ADAMTS17: variants seen among roughly 807,000 people sequenced by gnomAD.
ADAMTS17 encodes A disintegrin and metalloproteinase with thrombospondin motifs 17.
In ADAMTS17, 113 loss-of-function variants were observed where a neutral mutation model predicts 141.5. That is an observed-to-expected ratio of 0.80 (90% CI 0.69 to 0.93). ADAMTS17 has a LOEUF of 0.93. ADAMTS17 is among the 40% of genes least tolerant of loss of function. The probability of loss-of-function intolerance (pLI) is 0.00; values close to 1 mark genes in which losing one functional copy is unlikely to be tolerated. For synonymous variants in ADAMTS17, 768 were observed against 630.6 expected (o/e 1.22, Z -3.27); for missense variants, 1,659 against 1,517.9 (o/e 1.09, Z -1.54).
rs891695125 is a variant in ADAMTS17, at chr15:100,158,475, G to A, written c.1182-3155C>T. Among the ~76,000 whole-genome samples the A allele has an allele frequency of 2.0e-5, 3 of 152,072 alleles. No homozygotes were observed. The East Asian group carries it at 5.8e-4, about 29-fold the overall frequency. On this transcript the variant is annotated intron_variant, in intron 8 of 21. Transcript: ENST00000268070. ...GGTAAAAACACTTCACATGAGAGCT[G>A]CCCTCTGAAGTTTTTAAGCTTACAA... is the stretch of plus-strand genomic sequence containing the variant.
intron 13 of ADAMTS17, among the ~76,000 whole-genome samples, chr15:100,115,395 C>G (rs955347646): frequency 6.6e-6 from 1 of 152,228 alleles, no homozygotes; most frequent in African/African-American, 2.4e-5. Flanking sequence ...TTGAATTCTG[C>G]TGGCGAGCTG....
chr15:100,008,776 C>G (rs1317407017), intron 18 of ADAMTS17, among the ~76,000 whole-genome samples: 3 of 152,226 alleles, frequency 2.0e-5, no homozygotes, highest in Non-Finnish European at 4.4e-5. Context: ...ACACCTACCC[C>G]TGGTGGGTCA....
At chr15:100,227,844 A>C (rs1346991993) in intron 7 of ADAMTS17, among the ~76,000 whole-genome samples, 1 of 152,248 alleles carries the variant, frequency 6.6e-6, no homozygotes, top group African/African-American at 2.4e-5. Context: ...CACACAGCCC[A>C]GCAATGTATA....
chr15:99,978,059 G>A (rs938465096), intron 20 of ADAMTS17, among the ~76,000 whole-genome samples: 4 of 152,224 alleles, frequency 2.6e-5, no homozygotes, highest in African/African-American at 4.8e-5. Flanking sequence ...AATGCCACAC[G>A]TGGTGAGGGA....
intron 7 of ADAMTS17, among the ~76,000 whole-genome samples, chr15:100,237,757 G>C (rs1416507712): frequency 2.6e-5 from 4 of 152,166 alleles, no homozygotes; most frequent in African/African-American, 9.7e-5. Flanking sequence ...CCAAGTAGCT[G>C]GAATTATAGG....
chr15:100,245,100 G>A (rs143122228), intron 7 of ADAMTS17, among the ~76,000 whole-genome samples: 146 of 152,298 alleles, frequency 9.6e-4, no homozygotes, highest in African/African-American at 3.4e-3. Context: ...CAGAAACACC[G>A]AGAGAACAAG....
At chr15:100,055,398 C>T (rs2032481847) in intron 15 of ADAMTS17, among the ~76,000 whole-genome samples, 1 of 152,232 alleles carries the variant, frequency 6.6e-6, no homozygotes, top group Non-Finnish European at 1.5e-5. Flanking sequence ...GCTGGGTAGT[C>T]ACTGGCCTCA....
At chr15:100,224,604 T>C (rs1173227719) in intron 7 of ADAMTS17, among the ~76,000 whole-genome samples, 1 of 152,222 alleles carries the variant, frequency 6.6e-6, no homozygotes, top group Non-Finnish European at 1.5e-5. Flanking sequence ...GTCCTCGTTC[T>C]TCACCCCCAG....
At chr15:100,339,950 T>C (rs1338738866) in intron 2 of ADAMTS17, among the ~76,000 whole-genome samples, 1 of 152,200 alleles carries the variant, frequency 6.6e-6, no homozygotes, top group Non-Finnish European at 1.5e-5. Context: ...CCACAGACTC[T>C]GTGAGTAAGG....
At chr15:100,164,469 A>C (rs1434102915) in intron 8 of ADAMTS17, among the ~76,000 whole-genome samples, 1 of 152,216 alleles carries the variant, frequency 6.6e-6, no homozygotes. Context: ...CTGAGAATAC[A>C]GAGTTTACAT....
At chr15:100,283,996 C>T (rs113027899) in intron 3 of ADAMTS17, among the ~76,000 whole-genome samples, 15,394 of 152,196 alleles carry the variant, frequency 0.1, 825 homozygotes, top group East Asian at 0.12. Context: ...ATCCCAGCCA[C>T]TCGGGAGGCG....
intron 8 of ADAMTS17, among the ~76,000 whole-genome samples, chr15:100,175,654 G>C (rs1430600744): frequency 6.6e-6 from 1 of 152,022 alleles, no homozygotes; most frequent in Non-Finnish European, 1.5e-5. Context: ...GTCCCCTTTT[G>C]TCTCTTGGTT....
intron 8 of ADAMTS17, among the ~76,000 whole-genome samples, chr15:100,192,262 T>C (rs900223058): frequency 2.6e-5 from 4 of 152,128 alleles, no homozygotes; most frequent in African/African-American, 7.2e-5. Context: ...TACCCTTCAG[T>C]AGAGAAGGGA....
intron 15 of ADAMTS17, among the ~76,000 whole-genome samples, chr15:100,084,602 C>A (rs985741896): frequency 6.6e-6 from 1 of 152,198 alleles, no homozygotes; most frequent in Admixed American, 6.5e-5. Flanking sequence ...CCTGTAGGGG[C>A]GGACTGACAC....
chr15:100,135,945 T>C (rs780247191), intron 10 of ADAMTS17, among the ~76,000 whole-genome samples: 32 of 152,194 alleles, frequency 2.1e-4, no homozygotes, highest in Non-Finnish European at 1.0e-4. Flanking sequence ...TTGGGAACAA[T>C]GGGGCACAAT....
intron 20 of ADAMTS17, among the ~76,000 whole-genome samples, chr15:99,981,934 C>T (rs1762196226): frequency 1.3e-5 from 2 of 152,190 alleles, no homozygotes; most frequent in Admixed American, 6.5e-5. Flanking sequence ...TCTCCTAAAG[C>T]AGAGTTTTGA....
At chr15:100,192,489 T>A (rs550252817) in intron 8 of ADAMTS17, among the ~76,000 whole-genome samples, 2 of 152,378 alleles carry the variant, frequency 1.3e-5, no homozygotes, top group East Asian at 3.9e-4. Flanking sequence ...CCAGGATTTC[T>A]AAACAGTTAT....
intron 7 of ADAMTS17, among the ~76,000 whole-genome samples, chr15:100,251,501 G>C (rs2043153214): frequency 6.6e-6 from 1 of 152,230 alleles, no homozygotes; most frequent in Non-Finnish European, 1.5e-5. Context: ...CGAGGCGGAT[G>C]GATCATGAGA....
intron 3 of ADAMTS17, among the ~76,000 whole-genome samples, chr15:100,323,261 C>A (rs1054295578): frequency 3.3e-5 from 5 of 152,076 alleles, no homozygotes; most frequent in Non-Finnish European, 7.4e-5. Context: ...AGCATTATCA[C>A]CCTTTTACAA....
Sources: allele counts gnomAD v4.1 joint callset (sites outside exome capture counted in the v4.1 genomes callset), GRCh38; gene constraint gnomAD v4.1.1; transcripts MANE v1.5; gene names NCBI Gene and HGNC (gene_info 2026-07-23, HGNC 2026-07-21).